The following NLRP14 variants were observed in gnomAD, a reference collection of about 807,000 sequenced individuals.
NLRP14 encodes the protein NLR family pyrin domain containing 14, also known as NACHT, LRR and PYD domains-containing protein 14.
In NLRP14, 105 loss-of-function variants were observed where a neutral mutation model predicts 94.7. The ratio of observed to expected loss-of-function variants is 1.11; its 90% CI spans 0.95 to 1.30. The LOEUF (loss-of-function observed/expected upper bound fraction) is 1.30. Among genes scored for constraint, NLRP14 ranks in the 50% most tolerant of loss-of-function variants. The pLI is 0.00. For synonymous variants in NLRP14, 508 were observed against 459.9 expected (o/e 1.10, Z -1.34); for missense variants, 1,362 against 1,254.1 (o/e 1.09, Z -1.30).
At chr11:7,055,465 A>G (rs1345219350) in intron 6 of NLRP14, among the ~76,000 whole-genome samples, 2 of 152,176 alleles carry the variant, frequency 1.3e-5, no homozygotes, top group African/African-American at 4.8e-5. Flanking sequence ...ATTACACAGC[A>G]GACATTTTCA....
chr11:7,071,595 A>C, downstream of NLRP14, among the ~76,000 whole-genome samples: 1 of 49,992 alleles, frequency 2.0e-5, no homozygotes, highest in East Asian at 1.8e-3. Flanking sequence ...ATGAGGCTGG[A>C]GGATGCAGAC....
intron 4 of NLRP14, among the ~76,000 whole-genome samples, chr11:7,045,095 C>A (rs763126764): frequency 3.9e-5 from 6 of 152,172 alleles, no homozygotes; most frequent in Non-Finnish European, 7.4e-5. Context: ...TGTTTCAGTA[C>A]CATTATATAC....
chr11:7,057,268 G>A (rs1191119155), intron 6 of NLRP14, among the ~76,000 whole-genome samples: 6 of 151,966 alleles, frequency 3.9e-5, no homozygotes, highest in African/African-American at 7.2e-5. Flanking sequence ...ATGAGCTCAC[G>A]GGAGACACAG....
downstream of NLRP14, among the ~76,000 whole-genome samples, chr11:7,072,022 G>T (rs1482952173): frequency 2.6e-5 from 4 of 152,186 alleles, no homozygotes; most frequent in Non-Finnish European, 5.9e-5. Context: ...CATTTGGCAA[G>T]AGCGTGACAC....
chr11:7,049,500 T>C (rs1852409477), intron 5 of NLRP14, among the ~76,000 whole-genome samples, 171 bp from the exon 6 acceptor site: 1 of 152,204 alleles, frequency 6.6e-6, no homozygotes, highest in African/African-American at 2.4e-5. Flanking sequence ...CTGGGGAGTG[T>C]CAATTATCAG....
chr11:7,060,392 A>C (rs1056911240), intron 9 of NLRP14, among the ~76,000 whole-genome samples: 14 of 151,932 alleles, frequency 9.2e-5, no homozygotes, highest in Non-Finnish European at 1.8e-4. Context: ...ATTGTTCTCT[A>C]CTAGTTTTTC....
At chr11:7,030,573 A>G (rs533370009) in intron 1 of NLRP14, among the ~76,000 whole-genome samples, 2 of 151,394 alleles carry the variant, frequency 1.3e-5, no homozygotes, top group South Asian at 2.1e-4. Context: ...CTCCATAGCA[A>G]TGATTACCAC....
At chr11:7,067,686 T>C (rs553999319) in intron 10 of NLRP14, among the ~76,000 whole-genome samples, 36 of 152,300 alleles carry the variant, frequency 2.4e-4, no homozygotes, top group Non-Finnish European at 4.4e-4. Context: ...CCTGTGTACA[T>C]TGTGTAATTT....
the NLRP14 span, chr11:7,089,091 C>T: frequency 6.2e-7 from 1 of 1,604,248 alleles, no homozygotes; most frequent in South Asian, 1.1e-5. Flanking sequence ...CGCCTCCCAC[C>T]GCCACTGACC....
chr11:7,044,013 G>C (rs1852313749), intron 4 of NLRP14, 29 bp downstream of exon 4: 1 of 1,606,878 alleles, frequency 6.2e-7, no homozygotes, highest in Admixed American at 1.7e-5. Context: ...TTCCCTGGAA[G>C]TGCCCTGTAA....
the NLRP14 span, among the ~76,000 whole-genome samples, chr11:7,081,084 A>G: frequency 1.3e-5 from 2 of 152,086 alleles, no homozygotes; most frequent in Non-Finnish European, 2.9e-5. Context: ...AGGGGCCAGC[A>G]TGTCTTTGGT....
In NLRP14 at chr11:7,043,785, T is replaced by C. The variant is rs1216643320; in HGVS notation, c.1759T>C (p.Tyr587His). The change falls in exon 4 of 12, where the codon TAT (tyrosine) becomes CAT (histidine). Residue 587 changes from tyrosine (Y) to histidine (H), a missense_variant. Tyr to His is a moderately conservative substitution (Grantham distance 83). Coordinates refer to ENST00000299481, the MANE Select transcript of NLRP14 (RefSeq NM_176822.4). ...LGFLELFHCL[Y>H]ETQDKAFISQ... ...ATTTCTGGAGTTGTTTCACTGTCTG[T>C]ATGAGACTCAAGATAAAGCGTTTAT... 2 of 1,614,144 alleles carry C rather than the reference T, an allele frequency of 1.2e-6. No homozygotes were observed. Among genetic ancestry groups the C allele is most frequent in the South Asian group, 1.1e-5 (1 of 91,070 alleles).
chr11:7,046,099 A>G (rs975640430), intron 4 of NLRP14, among the ~76,000 whole-genome samples: 1 of 152,186 alleles, frequency 6.6e-6, no homozygotes, highest in African/African-American at 2.4e-5. Context: ...TTTAAAGTTT[A>G]CAGTGTGCTT....
At position 7,059,996 on chromosome 11, in the gene NLRP14, A is replaced by G. The variant is rs368512331; in HGVS notation, c.2736A>G (p.Leu912=). Residue 912 remains leucine (L), a synonymous_variant, in exon 9 of 12, where the codon CTA becomes CTG. Transcript: ENST00000299481. The part of the protein sequence containing the change: ...LTHLDLGSNW[L]QDNGVKLLCD... ...ATCTGGATCTAGGATCAAACTGGCTACAAGACAATGGAGTGAAGCTTCTGT... is the reference window on the plus strand; with the variant it reads ...ATCTGGATCTAGGATCAAACTGGCTGCAAGACAATGGAGTGAAGCTTCTGT... 144 of 1,612,882 alleles carry G rather than the reference A, an allele frequency of 8.9e-5. No individual in the cohort carries two copies. The highest frequency in any genetic ancestry group is 8.5e-4 in the South Asian group (77 of 91,060).
At chr11:7,026,902 G>GTA (rs1417573181) in intron 1 of NLRP14, among the ~76,000 whole-genome samples, 3 of 151,796 alleles carry the variant, frequency 2.0e-5, no homozygotes, top group African/African-American at 7.3e-5. Context: ...CATGGCACAT[G>GTA]TATACGTATG....
intron 1 of NLRP14, among the ~76,000 whole-genome samples, chr11:7,027,929 C>G (rs1223561371): frequency 6.6e-6 from 1 of 152,132 alleles, no homozygotes; most frequent in Non-Finnish European, 1.5e-5. Flanking sequence ...TTTTTCCTCT[C>G]TGGATGTTCT....
In NLRP14 at chr11:7,049,635, G is replaced by A. The variant is rs1552727; in HGVS notation, c.2124-36G>A. 0.61 allele frequency: 912,916 copies of A among 1,501,650 alleles called. 282,089 individuals carry two copies. Among genetic ancestry groups the A allele is most frequent in the East Asian group, 0.84 (37,152 of 44,332 alleles). 93.0% of individuals were successfully genotyped at this position (1,501,650 alleles called of 1,614,324 possible). A position where few individuals can be genotyped will look rare whatever the true frequency, so the allele number is the denominator to read the frequency against. On this transcript the variant is annotated intron_variant, in intron 5 of 11. Transcript: ENST00000299481. ...GATCCTGTAACCAAGGAGAGAAATG[G>A]TTTTGTAATACCTCCTGCATATTTT...
chr11:7,047,320 T>C (rs1339675819), intron 5 of NLRP14, among the ~76,000 whole-genome samples: 2 of 9,050 alleles, frequency 2.2e-4, no homozygotes, highest in Non-Finnish European at 4.4e-4. Context: ...CCCCTTTCGT[T>C]TTTTTTTTTC....
At chr11:7,029,885 T>C (rs533568026) in intron 1 of NLRP14, among the ~76,000 whole-genome samples, 21 of 152,328 alleles carry the variant, frequency 1.4e-4, no homozygotes, top group Admixed American at 3.9e-4. Context: ...ATTGAGGTTG[T>C]TGGGCCCATC....
Sources: gnomAD v4.1 joint callset for allele counts (sites outside exome capture counted in the v4.1 genomes callset) on GRCh38, gnomAD v4.1.1 for gene constraint, MANE v1.5 for transcripts, NCBI Gene and HGNC (gene_info 2026-07-23, HGNC 2026-07-21) for gene names.